RNF126: variants seen among roughly 807,000 people sequenced by gnomAD.
RNF126 encodes ring finger protein 126, also known as E3 ubiquitin-protein ligase RNF126.
Under a neutral mutation model 41.9 loss-of-function variants are expected in RNF126, and 20 were observed. That is an observed-to-expected ratio of 0.48 (90% confidence interval 0.34 to 0.69). RNF126 has a LOEUF of 0.69. RNF126 is among the 30% of genes least tolerant of loss of function. The probability of loss-of-function intolerance (pLI) is 0.01; values close to 1 mark genes in which losing one functional copy is unlikely to be tolerated. For missense variants in RNF126, 433 were observed against 460.6 expected, an observed-to-expected ratio of 0.94 and a Z score of 0.55; for synonymous variants, 239 against 202.9, an observed-to-expected ratio of 1.18 and a Z score of -1.51.
At chr19:656,249 C>T (rs1423640718) in intron 1 of RNF126, among the ~76,000 whole-genome samples, 1 of 151,976 alleles carries the variant, frequency 6.6e-6, no homozygotes, top group African/African-American at 2.4e-5. Flanking sequence ...GCTAGGGAGG[C>T]TGAGGTGCCA....
Position 651,801 on chromosome 19 carries a change from C to T in RNF126, c.253G>A (p.Gly85Ser), listed in dbSNP as rs375701327. ...LPQGYGQFAFGIFDDSFEIPT... is the reference protein window; with the variant it reads ...LPQGYGQFAFSIFDDSFEIPT... ...ATCTCGAAGCTGTCATCGAAGATGC[C>T]GAAAGCAAACTGTCCGTAGCCCTGC... The change falls in exon 4 of 9, where the codon GGC becomes AGC. Residue 85 changes from glycine to serine, a missense_variant. Transcript: ENST00000292363. The T allele has an allele frequency of 2.8e-4, 450 of 1,612,538 alleles. 2 individuals are homozygous for T. The highest frequency in any genetic ancestry group is 9.2e-4 in the Admixed American group (55 of 59,974).
Position 651,647 on chromosome 19 carries a change from G to A in RNF126, c.407C>T (p.Ala136Val), listed in dbSNP as rs1361401737. ...GGGGACGCCTTCGTGCCGGCCGGTGGCCCGCCGCGTGGTGAGGCGGGCGCG... is the reference window on the plus strand; with the variant it reads ...GGGGACGCCTTCGTGCCGGCCGGTGACCCGCCGCGTGGTGAGGCGGGCGCG... ...QPRARLTTRR[A>V]TGRHEGVPTL... Residue 136 changes from alanine to valine, a missense_variant, in exon 4 of 9, where the codon GCC becomes GTC. By Grantham distance (64) the Ala-to-Val change is moderately conservative. This residue lies in a region of RNF126 where 247 missense variants were observed against 224.7 expected (regional missense o/e 1.10). Coordinates refer to ENST00000292363, the MANE Select transcript of RNF126 (RefSeq NM_194460.3). 4.0e-6 allele frequency: 6 copies of A among 1,504,458 alleles called. No individual in the cohort carries two copies. The highest frequency in any genetic ancestry group is 2.5e-5 in the East Asian group (1 of 40,180). The allele number at this position is 1,504,458 out of a possible 1,614,324, so 93.2% of individuals were successfully genotyped here.
intron 6 of RNF126, 76 bp downstream of exon 6, chr19:649,603 G>T: frequency 8.2e-7 from 1 of 1,222,800 alleles, no homozygotes; most frequent in African/African-American, 1.5e-5. Context: ...CGTGGGTCCA[G>T]GCAGTGGGGC....
intron 2 of RNF126, 163 bp downstream of exon 2, chr19:652,663 A>G (rs1248084420): frequency 3.0e-6 from 2 of 668,866 alleles, no homozygotes; most frequent in Admixed American, 2.7e-5. Context: ...ACAGAAGAGA[A>G]CGGCACGCTG....
At chr19:651,112 CG>C (rs1013034035) in intron 4 of RNF126, among the ~76,000 whole-genome samples, 1 of 147,310 alleles carries the variant, frequency 6.8e-6, no homozygotes, top group African/African-American at 2.6e-5. Context: ...TAGGGCCCTG[CG>C]ACGGCTCCCC....
intron 7 of RNF126, 131 bp from the exon 8 acceptor site, chr19:648,618 C>G: frequency 1.3e-6 from 1 of 753,718 alleles, no homozygotes; most frequent in South Asian, 1.7e-5. Flanking sequence ...GTGTGTGTGT[C>G]CCCCGGGCTG....
chr19:657,471 GCAGCGGCCGTGGGGCCTGGTGCCA>G (rs2030607504), intron 1 of RNF126, among the ~76,000 whole-genome samples: 1 of 152,222 alleles, frequency 6.6e-6, no homozygotes, highest in Admixed American at 6.5e-5. Flanking sequence ...TGTCCTGCCC[GCAGCGGCCGTGGGGCCTGGTGCCA>G]CAGCACTGTC....
intron 1 of RNF126, among the ~76,000 whole-genome samples, 155 bp from the exon 2 acceptor site, chr19:653,039 C>A (rs1224724878): frequency 6.6e-6 from 1 of 152,200 alleles, no homozygotes; most frequent in Non-Finnish European, 1.5e-5. Flanking sequence ...TCCTGGAGGG[C>A]GGCCGAGGGG....
intron 1 of RNF126, among the ~76,000 whole-genome samples, chr19:662,036 C>T (rs1271387769): frequency 6.6e-6 from 1 of 152,176 alleles, no homozygotes; most frequent in Non-Finnish European, 1.5e-5. Context: ...ATGCAGACCA[C>T]CGCCGGGCAC....
intron 4 of RNF126, among the ~76,000 whole-genome samples, chr19:651,115 C>T (rs554492470): frequency 1.2e-4 from 17 of 147,512 alleles, no homozygotes; most frequent in African/African-American, 1.8e-4. Context: ...GGCCCTGCGA[C>T]GGCTCCCCCA....
At chr19:655,337 GAA>G (rs1334227714) in intron 1 of RNF126, among the ~76,000 whole-genome samples, 1 of 151,092 alleles carries the variant, frequency 6.6e-6, no homozygotes, top group Non-Finnish European at 1.5e-5. Context: ...AAAAAAAAAA[GAA>G]AAAGAGAAAC....
intron 6 of RNF126, 89 bp from the exon 7 acceptor site, chr19:649,064 C>A (rs1463948763): frequency 1.8e-5 from 11 of 615,116 alleles, no homozygotes; most frequent in Non-Finnish European, 2.7e-5. Context: ...TGCAAAAGCA[C>A]CGAGGCCGCG....
At chr19:652,436 G>C (rs1334292910) in intron 2 of RNF126, 140 bp from the exon 3 acceptor site, 3 of 766,670 alleles carry the variant, frequency 3.9e-6, no homozygotes, top group African/African-American at 3.6e-5. Context: ...CCCAGCATTT[G>C]GTGCCGTAAC....
chr19:655,174 G>C (rs937884834), intron 1 of RNF126, among the ~76,000 whole-genome samples: 1 of 151,970 alleles, frequency 6.6e-6, no homozygotes, highest in African/African-American at 2.4e-5. Flanking sequence ...GGTATGCTGG[G>C]GTGGGTCTGT....
In RNF126 at chr19:659,372, AC is replaced by A. The variant is rs1392307869; in HGVS notation, c.75+3674del. 4.0e-5 allele frequency among the ~76,000 whole-genome samples: 6 copies of A among 151,884 alleles called. No individual in the cohort carries two copies. Among genetic ancestry groups the A allele is most frequent in the Non-Finnish European group, 8.8e-5 (6 of 67,936 alleles). On this transcript the variant is annotated intron_variant, in intron 1 of 8. Transcript: ENST00000292363. This position sits in a 1 kb window ranked among gnomAD's most constrained non-coding sequence, Gnocchi z 4.9. ...CCGCCCACGCCGGCTCTTCCCCGCC[AC>A]CGTGGGCGGCAGGGCCCAGCACCCC... is the stretch of plus-strand genomic sequence containing the variant.
rs919841299 is a variant in RNF126, at chr19:657,382, G to A, written c.76-4498C>T. 7.2e-5 allele frequency among the ~76,000 whole-genome samples: 11 copies of A among 152,172 alleles called. No homozygotes were observed. In the South Asian group the frequency reaches 1.0e-3, roughly 14 times the overall value. ...GGCACAACGCATGCTCCCGCCACCCGCACTGCCGGCTCACGACAGCCCGAC... is the reference window on the plus strand; with the variant it reads ...GGCACAACGCATGCTCCCGCCACCCACACTGCCGGCTCACGACAGCCCGAC... On this transcript the variant is annotated intron_variant, in intron 1 of 8. Coordinates refer to ENST00000292363, the MANE Select transcript of RNF126 (RefSeq NM_194460.3).
At chr19:650,375 A>C in intron 4 of RNF126, 79 bp from the exon 5 acceptor site, 4 of 1,271,800 alleles carry the variant, frequency 3.1e-6, no homozygotes, top group Non-Finnish European at 4.4e-6. Flanking sequence ...GTCCGTGGTG[A>C]GCACCAAGGG....
intron 1 of RNF126, among the ~76,000 whole-genome samples, chr19:662,478 G>A (rs1465602208): frequency 6.6e-6 from 1 of 152,178 alleles, no homozygotes; most frequent in Non-Finnish European, 1.5e-5. Flanking sequence ...CCGGGACAGT[G>A]CCTGGGGCGT....
In RNF126 at chr19:648,903, G is replaced by A; in HGVS notation, c.649C>T (p.Pro217Ser). The A allele has an allele frequency of 3.5e-6, 5 of 1,433,366 alleles. No individual in the cohort carries two copies. Among genetic ancestry groups the A allele is most frequent in the Non-Finnish European group, 4.6e-6 (5 of 1,092,346 alleles). The allele number at this position is 1,433,366 out of a possible 1,614,324, so 88.8% of individuals were successfully genotyped here. A position where few individuals can be genotyped will look rare whatever the true frequency, so the allele number is the denominator to read the frequency against. The change falls in exon 7 of 9, where the codon CCC becomes TCC. Residue 217 changes from proline (P) to serine (S), a missense_variant. By Grantham distance (74) the Pro-to-Ser change is moderately conservative (BLOSUM62 -1). Transcript: ENST00000292363. ...ATACCTACGTGCTCCTCAGTGACGG[G>A]GACGGTGGGGAGGGCCTGGATTTTC... is the stretch of plus-strand genomic sequence containing the variant. The part of the protein sequence containing the change: ...KEKIQALPTV[P>S]VTEEHVGSGL...
Sources: allele counts gnomAD v4.1 joint callset (sites outside exome capture counted in the v4.1 genomes callset), GRCh38; gene constraint gnomAD v4.1.1; regional missense constraint gnomAD v4.1.1; non-coding constraint Gnocchi (gnomAD v3.1); transcripts MANE v1.5; gene names NCBI Gene and HGNC (gene_info 2026-07-23, HGNC 2026-07-21).